The following OR14L1 variants were observed in gnomAD, a reference collection of about 807,000 sequenced individuals.
OR14L1 encodes the protein olfactory receptor family 14 subfamily L member 1, also known as olfactory receptor 14L1.
At chr1:247,622,290 A>G in the OR14L1 span, 1 of 152,096 alleles carries the variant, frequency 6.6e-6, no homozygotes, top group African/African-American at 2.4e-5. Flanking sequence ...GTGATGTTCA[A>G]TGTTACTATT....
At chr1:247,620,877 A>T in the OR14L1 span, 2 of 152,046 alleles carry the variant, frequency 1.3e-5, no homozygotes, top group African/African-American at 2.4e-5. Context: ...CATATTAATT[A>T]ATATAAAAGT....
the OR14L1 span, among the ~76,000 whole-genome samples, chr1:247,619,080 A>G: frequency 3.3e-5 from 5 of 152,190 alleles, no homozygotes; most frequent in African/African-American, 1.2e-4. Flanking sequence ...GGTGTTTACC[A>G]AATGTCTCCT....
the OR14L1 span, among the ~76,000 whole-genome samples, chr1:247,618,279 T>C: frequency 6.6e-6 from 1 of 152,088 alleles, no homozygotes; most frequent in Admixed American, 6.6e-5. Flanking sequence ...GAAGAAGAGA[T>C]TATATACAAA....
the OR14L1 span, among the ~76,000 whole-genome samples, chr1:247,617,678 C>CTGAA: frequency 6.9e-6 from 1 of 145,448 alleles, no homozygotes; most frequent in African/African-American, 2.6e-5. Flanking sequence ...TCTATATTTC[C>CTGAA]TTTCAGTGGT....
the OR14L1 span, chr1:247,620,222 T>C: frequency 6.6e-6 from 1 of 152,294 alleles, no homozygotes; most frequent in African/African-American, 2.4e-5. Context: ...GTAATTACCA[T>C]TGAGATTGGA....
At chr1:247,618,753 T>C in the OR14L1 span, among the ~76,000 whole-genome samples, 1 of 152,182 alleles carries the variant, frequency 6.6e-6, no homozygotes, top group Non-Finnish European at 1.5e-5. Flanking sequence ...TAAATACTTC[T>C]GTACCTCTGC....
the OR14L1 span, chr1:247,622,268 G>C: frequency 1.3e-5 from 2 of 152,074 alleles, no homozygotes; most frequent in African/African-American, 4.8e-5. Context: ...CTGTTTTGGT[G>C]ATCTGTGATC....
At chr1:247,617,869 G>T in the OR14L1 span, among the ~76,000 whole-genome samples, 1 of 152,084 alleles carries the variant, frequency 6.6e-6, no homozygotes, top group Non-Finnish European at 1.5e-5. Context: ...CATAATAAAA[G>T]AGTCAATTCC....
chr1:247,619,478 A>C, the OR14L1 span: 1 of 152,208 alleles, frequency 6.6e-6, no homozygotes, highest in Non-Finnish European at 1.5e-5. Context: ...ATAAAGCACT[A>C]TTCTGTGTAA....
chr1:247,622,019 C>T, the OR14L1 span: 3 of 152,164 alleles, frequency 2.0e-5, no homozygotes, highest in South Asian at 6.2e-4. Flanking sequence ...GAAATACAGA[C>T]ATGCCTTTGA....
At chr1:247,621,447 G>A in the OR14L1 span, 2 of 151,944 alleles carry the variant, frequency 1.3e-5, no homozygotes, top group Admixed American at 6.6e-5. Flanking sequence ...TATGCCTATG[G>A]GGTAAAAGTG....
the OR14L1 span, chr1:247,617,313 T>A: frequency 2.1e-4 from 32 of 152,296 alleles, no homozygotes; most frequent in Admixed American, 1.8e-3. Flanking sequence ...AAACCAAGGC[T>A]CCTTCTCAAA....
At chr1:247,619,910 C>T in the OR14L1 span, 5 of 152,196 alleles carry the variant, frequency 3.3e-5, no homozygotes, top group African/African-American at 1.2e-4. Context: ...CATGATACTT[C>T]CATTTCTTTC....
At chr1:247,619,979 T>C in the OR14L1 span, 7 of 152,416 alleles carry the variant, frequency 4.6e-5, 1 homozygote, top group African/African-American at 2.4e-5. Flanking sequence ...GAGGTAGCCA[T>C]CCTTACAGTG....
chr1:247,618,401 A>T, the OR14L1 span, among the ~76,000 whole-genome samples: 1 of 152,180 alleles, frequency 6.6e-6, no homozygotes. Context: ...CTTTAAATTG[A>T]TACAGTTTAC....
chr1:247,619,017 G>C, the OR14L1 span, among the ~76,000 whole-genome samples: 4 of 152,172 alleles, frequency 2.6e-5, no homozygotes, highest in South Asian at 8.3e-4. Context: ...TTCAAGAACT[G>C]TTTCTTATGA....
chr1:247,618,539 T>TAA, the OR14L1 span, among the ~76,000 whole-genome samples: 1 of 150,866 alleles, frequency 6.6e-6, no homozygotes, highest in Non-Finnish European at 1.5e-5. Context: ...AAAGCAAAAT[T>TAA]AAAAAAAAAT....
chr1:247,618,616 T>C, the OR14L1 span, among the ~76,000 whole-genome samples: 1 of 152,290 alleles, frequency 6.6e-6, no homozygotes, highest in Non-Finnish European at 1.5e-5. Flanking sequence ...GTGTCTTGAA[T>C]ACATAATTGA....
At chr1:247,618,170 C>T in the OR14L1 span, among the ~76,000 whole-genome samples, 3 of 152,066 alleles carry the variant, frequency 2.0e-5, no homozygotes, top group Non-Finnish European at 4.4e-5. Flanking sequence ...AGTAGAGAGA[C>T]ATTCAGTTGA....
Sources: allele counts gnomAD v4.1 joint callset (sites outside exome capture counted in the v4.1 genomes callset), GRCh38; gene constraint gnomAD v4.1.1; transcripts MANE v1.5; gene names NCBI Gene and HGNC (gene_info 2026-07-23, HGNC 2026-07-21).